ZHX2: variants seen among roughly 807,000 people sequenced by gnomAD.
ZHX2 encodes zinc fingers and homeoboxes 2, also known as zinc fingers and homeoboxes protein 2.
Under a neutral mutation model 21.9 loss-of-function variants are expected in ZHX2, and 6 were observed. The ratio of observed to expected loss-of-function variants is 0.27; its 90% CI spans 0.15 to 0.54. ZHX2 has a LOEUF of 0.54. Ranked by LOEUF, ZHX2 falls within the 20% of genes least tolerant of loss-of-function variation. The pLI, the probability that ZHX2 is intolerant of heterozygous loss-of-function variation, is 0.95. For synonymous variants in ZHX2, 434 were observed against 437.1 expected, an observed-to-expected ratio of 0.99 and a Z score of 0.09; for missense variants, 908 against 1,090.7, an observed-to-expected ratio of 0.83 and a Z score of 2.36.
At position 122,930,186 on chromosome 8, in the gene ZHX2, A is replaced by G. The variant is rs544998845; in HGVS notation, c.-219-21106A>G. On this transcript the variant is annotated intron_variant, in intron 2 of 3. Coordinates refer to ENST00000314393, the MANE Select transcript of ZHX2 (RefSeq NM_014943.5). Reference sequence around the variant, plus strand: ...GAAGCTCCTGCAAGAGGATGCATGTAGAAATGTTTTGTGGGCTGCAATGCA... The same window carrying G: ...GAAGCTCCTGCAAGAGGATGCATGTGGAAATGTTTTGTGGGCTGCAATGCA... Among the ~76,000 whole-genome samples, 132 of 152,314 alleles carry G rather than the reference A, an allele frequency of 8.7e-4. 1 individual carries two copies. Among genetic ancestry groups the G allele is most frequent in the African/African-American group, 3.1e-3 (128 of 41,578 alleles).
intron 2 of ZHX2, among the ~76,000 whole-genome samples, chr8:122,942,220 G>C (rs1812863540): frequency 1.3e-5 from 2 of 151,880 alleles, no homozygotes; most frequent in Non-Finnish European, 2.9e-5. Context: ...GCCTTCTCGG[G>C]GGGTGTCATG....
At chr8:122,799,102 C>T (rs1406573164) in intron 1 of ZHX2, among the ~76,000 whole-genome samples, 4 of 152,244 alleles carry the variant, frequency 2.6e-5, no homozygotes, top group Non-Finnish European at 5.9e-5. Flanking sequence ...ACAAACAGCA[C>T]TGCCCCCTCC....
chr8:122,954,517 C>T (rs1563605190), intron 3 of ZHX2, among the ~76,000 whole-genome samples: 1 of 152,162 alleles, frequency 6.6e-6, no homozygotes, highest in Non-Finnish European at 1.5e-5. Context: ...CTTTGTTGCC[C>T]AGGCTGGTCT....
At chr8:122,931,269 C>T (rs146060812) in intron 2 of ZHX2, among the ~76,000 whole-genome samples, 48 of 152,252 alleles carry the variant, frequency 3.2e-4, no homozygotes, top group African/African-American at 1.1e-3. Flanking sequence ...ATGCAGGGCT[C>T]GTACACTGCT....
At chr8:122,950,324 C>G (rs7003451) in intron 2 of ZHX2, among the ~76,000 whole-genome samples, 2 of 152,042 alleles carry the variant, frequency 1.3e-5, no homozygotes, top group Non-Finnish European at 2.9e-5. Flanking sequence ...AACACAGGAA[C>G]AGAAAACCAA....
At chr8:122,849,144 G>GC (rs1443388970) in intron 1 of ZHX2, among the ~76,000 whole-genome samples, 2 of 152,166 alleles carry the variant, frequency 1.3e-5, no homozygotes, top group Non-Finnish European at 2.9e-5. Context: ...AGTGGGGTGG[G>GC]CCTCTGGCCT....
At chr8:122,936,343 T>G (rs1450347254) in intron 2 of ZHX2, among the ~76,000 whole-genome samples, 2 of 152,180 alleles carry the variant, frequency 1.3e-5, no homozygotes, top group East Asian at 3.8e-4. Flanking sequence ...AATAAAGCCT[T>G]GAAGTTTGTG....
intron 1 of ZHX2, among the ~76,000 whole-genome samples, chr8:122,813,029 C>G (rs1817962086): frequency 6.6e-6 from 1 of 152,114 alleles, no homozygotes; most frequent in South Asian, 2.1e-4. Context: ...AACCCCATCT[C>G]TACTAAAAAT....
At chr8:122,856,865 A>C (rs1819037880) in intron 1 of ZHX2, among the ~76,000 whole-genome samples, 1 of 152,142 alleles carries the variant, frequency 6.6e-6, no homozygotes, top group African/African-American at 2.4e-5. Context: ...CAGGAACCGC[A>C]GACACAGAAT....
chr8:122,955,035 C>T (rs191633463), intron 3 of ZHX2, among the ~76,000 whole-genome samples: 29 of 114,570 alleles, frequency 2.5e-4, no homozygotes, highest in Admixed American at 4.1e-4. Flanking sequence ...CTGGAAGAGC[C>T]GGGTGTAAAT....
Position 122,828,333 on chromosome 8 carries a change from C to CGT in ZHX2, c.-282-35135_-282-35134dup, listed in dbSNP as rs1818305112. Among the ~76,000 whole-genome samples, 2 of 152,108 alleles carry CGT rather than the reference C, an allele frequency of 1.3e-5. No homozygotes were observed. Among genetic ancestry groups the CGT allele is most frequent in the South Asian group, 4.1e-4 (2 of 4,830 alleles). On this transcript the variant is annotated intron_variant, in intron 1 of 3. Coordinates refer to ENST00000314393, the MANE Select transcript of ZHX2 (RefSeq NM_014943.5). This position sits in a 1 kb window ranked among gnomAD's most constrained non-coding sequence, Gnocchi z 5.2. ...AGAAAGTATCTGTACAGTGCATGTG[C>CGT]GTGTGTGTGTTAGTGATATGGAGGA...
At chr8:122,863,106 A>G (rs1240114416) in intron 1 of ZHX2, among the ~76,000 whole-genome samples, 1 of 152,036 alleles carries the variant, frequency 6.6e-6, no homozygotes, top group African/African-American at 2.4e-5. Flanking sequence ...ACCAAAATGC[A>G]ACCATGAAGG....
intron 2 of ZHX2, among the ~76,000 whole-genome samples, chr8:122,910,762 A>C (rs1026217201): frequency 6.7e-6 from 1 of 149,498 alleles, no homozygotes; most frequent in Non-Finnish European, 1.5e-5. Flanking sequence ...GGGGTGAGGA[A>C]TACAGCCACT....
At chr8:122,936,981 TG>T (rs1348942906) in intron 2 of ZHX2, among the ~76,000 whole-genome samples, 1 of 152,246 alleles carries the variant, frequency 6.6e-6, no homozygotes, top group Non-Finnish European at 1.5e-5. Flanking sequence ...ATGTTCTCAC[TG>T]GGCAGGACCA....
chr8:122,837,069 C>G lies in ZHX2; in HGVS notation c.-282-26408C>G, dbSNP rs1180569176. Among the ~76,000 whole-genome samples, 3 of 152,148 alleles carry G rather than the reference C, an allele frequency of 2.0e-5. No individual in the cohort carries two copies. The East Asian group carries it at 5.8e-4, about 29-fold the overall frequency. ...TGCTACACTCCCACCAGCATCATGA[C>G]AGTTTACAAACACCATGGCAACGTC... On this transcript the variant is annotated intron_variant, in intron 1 of 3. Transcript: ENST00000314393.
At position 122,945,515 on chromosome 8, in the gene ZHX2, G is replaced by T. The variant is rs77737689; in HGVS notation, c.-219-5777G>T. Reference sequence around the variant, plus strand: ...CAAGGCATTGTTATGGTCTCATTATGGTTAGGGTTTCTTTGAGGGGCATAG... The same window carrying T: ...CAAGGCATTGTTATGGTCTCATTATTGTTAGGGTTTCTTTGAGGGGCATAG... On this transcript the variant is annotated intron_variant, in intron 2 of 3. Coordinates refer to ENST00000314393, the MANE Select transcript of ZHX2 (RefSeq NM_014943.5). Among the ~76,000 whole-genome samples the T allele has an allele frequency of 5.0e-3, 747 of 148,808 alleles. 4 individuals are homozygous for T. Among genetic ancestry groups the T allele is most frequent in the African/African-American group, 0.018 (708 of 40,260 alleles).
chr8:122,956,269 G>A (rs1813300201), intron 3 of ZHX2, among the ~76,000 whole-genome samples: 1 of 152,192 alleles, frequency 6.6e-6, no homozygotes, highest in Non-Finnish European at 1.5e-5. Context: ...AGCACCTACT[G>A]TATGCCTGCT....
intron 1 of ZHX2, among the ~76,000 whole-genome samples, chr8:122,813,061 C>A (rs1486499788): frequency 1.3e-5 from 2 of 151,948 alleles, no homozygotes; most frequent in Non-Finnish European, 2.9e-5. Flanking sequence ...CCGGACGTGG[C>A]GGCACATGCC....
chr8:122,836,321 C>T (rs536451710), intron 1 of ZHX2, among the ~76,000 whole-genome samples: 4 of 152,262 alleles, frequency 2.6e-5, no homozygotes, highest in East Asian at 3.9e-4. Flanking sequence ...GATCAGTGAC[C>T]GATGTGCATG....
Sources: allele counts gnomAD v4.1 joint callset (sites outside exome capture counted in the v4.1 genomes callset), GRCh38; gene constraint gnomAD v4.1.1; non-coding constraint Gnocchi (gnomAD v3.1); transcripts MANE v1.5; gene names NCBI Gene and HGNC (gene_info 2026-07-23, HGNC 2026-07-21).